The following TTC14 variants were observed in gnomAD, a reference collection of about 807,000 sequenced individuals.
TTC14 encodes tetratricopeptide repeat domain 14.
A neutral mutation model predicts 79.9 loss-of-function variants in TTC14; 63 were observed. That is an observed-to-expected ratio of 0.79 (90% CI 0.64 to 0.97). The LOEUF is 0.97. TTC14 is among the 50% of genes least tolerant of loss of function. The pLI is 0.00. For synonymous variants in TTC14, 335 were observed against 309.6 expected (o/e 1.08, Z -0.86); for missense variants, 895 against 894.0 (o/e 1.00, Z -0.01).
intron 11 of TTC14, 168 bp from the exon 12 acceptor site, chr3:180,609,462 A>G: frequency 7.7e-7 from 1 of 1,300,410 alleles, no homozygotes; most frequent in Non-Finnish European, 9.7e-7. Context: ...TTTTCCCCCA[A>G]AAGTGCTTAA....
Position 180,616,948 on chromosome 3 carries a change from C to T in TTC14, c.1775-432C>T, listed in dbSNP as rs1060502867. The T allele has an allele frequency of 9.1e-6, 13 of 1,433,630 alleles. No homozygotes were observed. The highest frequency in any genetic ancestry group is 1.4e-5 in the African/African-American group (1 of 69,950). 88.8% of individuals were successfully genotyped at this position (1,433,630 alleles called of 1,614,324 possible). ...TTATTTGCCAAATGTTCTATAACAT[C>T]TAATGTATTTTCCATGCTCTGTAGA... On this transcript the variant is annotated intron_variant, in intron 12 of 12. Coordinates refer to the TTC14 transcript ENST00000382584.
At position 180,603,155 on chromosome 3, in the gene TTC14, A is replaced by G. The variant is rs758577385; in HGVS notation, c.318A>G (p.Gln106=). 1.9e-6 allele frequency: 3 copies of G among 1,613,858 alleles called. No individual in the cohort carries two copies. The highest frequency in any genetic ancestry group is 1.7e-5 in the Admixed American group (1 of 59,986). Residue 106 remains glutamine, a synonymous_variant, in exon 3 of 12, where the codon CAA becomes CAG. Transcript: ENST00000296015. ...DHYAIMPPLE[Q]FMEIPSMDRR... ...ATGCAATCATGCCACCTTTAGAGCA[A>G]TTCATGGAGATACCTAGTATGGATC...
chr3:180,607,506 T>C (rs1716758302), intron 9 of TTC14, 142 bp from the exon 10 acceptor site: 2 of 1,261,554 alleles, frequency 1.6e-6, no homozygotes, highest in Non-Finnish European at 2.0e-6. Context: ...GTAAAAAGCA[T>C]ATTATTTTGG....
At chr3:180,617,485 A>G in exon 13 of TTC14, 1 of 685,584 alleles carries the variant, frequency 1.5e-6, no homozygotes, top group South Asian at 1.6e-5. Flanking sequence ...AGCTCCATTC[A>G]TGTTACTGAC....
downstream of TTC14, among the ~76,000 whole-genome samples, chr3:180,611,721 A>C (rs1717002320): frequency 6.6e-6 from 1 of 152,204 alleles, no homozygotes; most frequent in Non-Finnish European, 1.5e-5. Flanking sequence ...TTGCAGTTTA[A>C]GATTCTCAAA....
intron 11 of TTC14, 170 bp downstream of exon 11, chr3:180,608,980 A>G: frequency 8.6e-7 from 1 of 1,160,548 alleles, no homozygotes; most frequent in Non-Finnish European, 1.1e-6. Flanking sequence ...TATTAAAGAG[A>G]TGAAGTGGAA....
chr3:180,604,597 T>G lies in TTC14; in HGVS notation c.691T>G (p.Leu231Val). ...TGTAATTAGCTCTGAAGAGCTTCCT[T>G]TATACTACAGGTAATTTATCCGTAT... The part of the protein sequence containing the change: ...LGVISSEELP[L>V]YYRRSVELNS... Residue 231 changes from leucine (L) to valine (V), a missense_variant, in exon 5 of 12, where the codon TTA becomes GTA. Transcript: ENST00000296015. 6.2e-7 allele frequency: 1 copy of G among 1,600,604 alleles called. No homozygotes were observed. Among genetic ancestry groups the G allele is most frequent in the Non-Finnish European group, 8.5e-7 (1 of 1,176,312 alleles).
At position 180,602,315 on chromosome 3, in the gene TTC14, C is replaced by T. The variant is rs745342967; in HGVS notation, c.54C>T (p.Leu18=). The stretch of plus-strand genomic sequence containing the variant: ...TAAATTGCCACGGGTCGTCTTTGCT[C>T]TCTCTACTTCGGAGCGAACAGCAGG... ...QSLNCHGSSL[L]SLLRSEQQDN... is the part of the protein sequence containing the mutation. The change falls in exon 1 of 12, where the codon CTC becomes CTT. Residue 18 remains leucine, a synonymous_variant. Transcript: ENST00000296015. 1.9e-6 allele frequency: 3 copies of T among 1,613,856 alleles called. No homozygotes were observed. The highest frequency in any genetic ancestry group is 1.7e-5 in the Admixed American group (1 of 60,014).
chr3:180,613,305 T>G (rs886856243), downstream of TTC14, among the ~76,000 whole-genome samples: 10 of 152,220 alleles, frequency 6.6e-5, no homozygotes, highest in African/African-American at 2.4e-4. Context: ...GCATGACTTT[T>G]GGATATGAGG....
chr3:180,604,715 AC>A (rs1189003714), intron 5 of TTC14, 108 bp downstream of exon 5: 3 of 1,435,930 alleles, frequency 2.1e-6, no homozygotes, highest in Non-Finnish European at 2.8e-6. Context: ...GTAAAAGGAA[AC>A]CATATCATAA....
chr3:180,616,919 A>G, intron 12 of TTC14: 1 of 1,533,930 alleles, frequency 6.5e-7, no homozygotes, highest in Non-Finnish European at 9.0e-7. Context: ...ACTTTTCTTT[A>G]ACATTATTTG....
chr3:180,618,232 T>C (rs1717322300), downstream of TTC14, among the ~76,000 whole-genome samples: 1 of 152,164 alleles, frequency 6.6e-6, no homozygotes, highest in African/African-American at 2.4e-5. Context: ...ATCCAATGCA[T>C]GACTGTATAA....
In TTC14 at chr3:180,608,753, CAAAG is replaced by C. The variant is rs777423943; in HGVS notation, c.1347_1350del (p.Lys450Ter). 1.0e-5 allele frequency: 16 copies of C among 1,559,346 alleles called. No homozygotes were observed. In the Admixed American group the frequency reaches 1.2e-4, roughly 12 times the overall value. On this transcript the variant is annotated frameshift_variant, in exon 11 of 12. Transcript: ENST00000296015. LOFTEE classifies it high-confidence loss of function. ...GCTGAAAAGGAAGAAAAGCAGAAAACAAAGAAAATAGAAACAAGTGCAGAAAAGT... is the reference window on the plus strand; with the variant it reads ...GCTGAAAAGGAAGAAAAGCAGAAAACAAAATAGAAACAAGTGCAGAAAAGT...
At chr3:180,614,347 T>C (rs1332492196), downstream of TTC14, 2 of 124,948 alleles carry the variant, frequency 1.6e-5, no homozygotes, top group East Asian at 2.8e-4. Flanking sequence ...AAAATTGATA[T>C]ACAGTGTTTC....
chr3:180,603,378 C>T (rs781381249), intron 3 of TTC14, 55 bp downstream of exon 3: 1 of 1,426,430 alleles, frequency 7.0e-7, no homozygotes, highest in Non-Finnish European at 9.9e-7. Context: ...CATCTCAATG[C>T]AAGAACTATA....
chr3:180,602,713 G>C (rs189552409), intron 1 of TTC14, 178 bp from the exon 2 acceptor site: 2 of 783,500 alleles, frequency 2.6e-6, no homozygotes, highest in Non-Finnish European at 3.9e-6. Flanking sequence ...AAGTTTCCCC[G>C]CTCTCCACCT....
At position 180,610,383 on chromosome 3, in the gene TTC14, T is replaced by A. The variant is rs751211273; in HGVS notation, c.2154T>A (p.Tyr718Ter). The change falls in exon 12 of 12, where the codon TAT (tyrosine) becomes TAA (stop). Residue 718 changes from tyrosine (Y) to a stop codon, truncating the protein, a stop_gained. Coordinates refer to ENST00000296015, the MANE Select transcript of TTC14 (RefSeq NM_133462.4). LOFTEE classifies it high-confidence loss of function. ...NQGEYEREDN[Y>*]GEDIKTEVPE... ...GAGAATATGAAAGAGAGGACAATTATGGGGAGGATATCAAAACAGAGGTTC... is the reference window on the plus strand; with the variant it reads ...GAGAATATGAAAGAGAGGACAATTAAGGGGAGGATATCAAAACAGAGGTTC... 6.2e-7 allele frequency: 1 copy of A among 1,613,688 alleles called. No individual in the cohort carries two copies. Among genetic ancestry groups the A allele is most frequent in the East Asian group, 2.2e-5 (1 of 44,854 alleles).
At chr3:180,606,733 A>G (rs1716717797) in intron 9 of TTC14, 130 bp downstream of exon 9, 1 of 1,162,586 alleles carries the variant, frequency 8.6e-7, no homozygotes, top group African/African-American at 1.6e-5. Flanking sequence ...ATAAATGGGA[A>G]AGTACAAGAG....
At position 180,617,519 on chromosome 3, in the gene TTC14, AG is replaced by A; in HGVS notation, c.1915del (p.Asp639IlefsTer26). The A allele has an allele frequency of 1.5e-6, 1 of 661,260 alleles. No individual in the cohort carries two copies. The highest frequency in any genetic ancestry group is 2.8e-6 in the Non-Finnish European group (1 of 362,396). The allele number at this position is 661,260 out of a possible 1,614,324, so 41.0% of individuals were successfully genotyped here. A position where few individuals can be genotyped will look rare whatever the true frequency, so the allele number is the denominator to read the frequency against. On this transcript the variant is annotated frameshift_variant, in exon 13 of 13. Transcript: ENST00000382584. LOFTEE classifies it high-confidence loss of function. Reference sequence around the variant, plus strand: ...ACCCTGAAGACCTTCAAGTGGGACAAGATATGGAGGTGGAAGACAGTGGTAT... The same window carrying A: ...ACCCTGAAGACCTTCAAGTGGGACAAATATGGAGGTGGAAGACAGTGGTAT...
Sources: gnomAD v4.1 joint callset for allele counts (sites outside exome capture counted in the v4.1 genomes callset) on GRCh38, gnomAD v4.1.1 for gene constraint, MANE v1.5 for transcripts, NCBI Gene and HGNC (gene_info 2026-07-23, HGNC 2026-07-21) for gene names.